Variants in UBE2D2 observed in about 807,000 individuals in gnomAD.
UBE2D2 encodes the protein ubiquitin-conjugating enzyme E2 D2.
A neutral mutation model predicts 24.2 loss-of-function variants in UBE2D2; 2 were observed. That is an observed-to-expected ratio of 0.08 (90% CI 0.03 to 0.26). UBE2D2 has a LOEUF of 0.26. UBE2D2 is among the 10% of genes least tolerant of loss of function. The pLI is 1.00. For missense variants in UBE2D2, 44 were observed against 177.6 expected (o/e 0.25, Z 4.28); for synonymous variants, 58 against 56.5 (o/e 1.03, Z -0.12).
chr5:139,584,602 G>A (rs1235250402), intron 1 of UBE2D2, among the ~76,000 whole-genome samples: 40 of 142,126 alleles, frequency 2.8e-4, no homozygotes, highest in African/African-American at 1.0e-3. Context: ...GCGCGATCTC[G>A]GCTCACTGCA....
chr5:139,626,034 A>G (rs2126712696), intron 6 of UBE2D2, among the ~76,000 whole-genome samples: 1 of 152,064 alleles, frequency 6.6e-6, no homozygotes, highest in Non-Finnish European at 1.5e-5. Flanking sequence ...ACCAGAACCA[A>G]TTGTTTTATT....
upstream of UBE2D2, among the ~76,000 whole-genome samples, chr5:139,558,718 CAA>C (rs1325567109): frequency 3.3e-5 from 5 of 152,058 alleles, no homozygotes; most frequent in Admixed American, 3.3e-4. Flanking sequence ...AACCAAATGT[CAA>C]AAGTGGTTAA....
At position 139,548,189 on chromosome 5, in the gene UBE2D2, A is replaced by AT. The variant is rs1752862035; in HGVS notation, c.-64+21577_-64+21578insT. Among the ~76,000 whole-genome samples the AT allele has an allele frequency of 1.1e-3, 21 of 18,646 alleles. 1 individual carries two copies. Among genetic ancestry groups the AT allele is most frequent in the East Asian group, 5.0e-3 (8 of 1,594 alleles). 12.2% of individuals were successfully genotyped at this position (18,646 alleles called of 152,430 possible). On this transcript the variant is annotated intron_variant, in intron 1 of 6. Coordinates refer to the UBE2D2 transcript ENST00000511725. ...AAAAAAAAAAAAAAAAAAAATAAAA[A>AT]AAAAAAATAAATAAATAAATAAATA...
intron 1 of UBE2D2, among the ~76,000 whole-genome samples, chr5:139,567,150 A>G (rs886587243): frequency 2.0e-5 from 3 of 152,130 alleles, no homozygotes; most frequent in Non-Finnish European, 2.9e-5. Context: ...CCCAGGCTGG[A>G]GTGCAGTGGC....
rs574931702 is a variant in UBE2D2 at position 139,607,859 on chromosome 5, A to G, written c.89-6727A>G. On this transcript the variant is annotated intron_variant, in intron 2 of 6. Coordinates refer to ENST00000398733, the MANE Select transcript of UBE2D2 (RefSeq NM_003339.3). ...CGATCTCTACAAAAATAAAAATTAA[A>G]AAAATGAGCAGGACATGGTGACACT... 2.6e-5 allele frequency among the ~76,000 whole-genome samples: 4 copies of G among 152,128 alleles called. No individual in the cohort carries two copies. In the East Asian group the frequency reaches 7.7e-4, roughly 29 times the overall value.
At chr5:139,612,511 C>G (rs1234926144) in intron 2 of UBE2D2, 1 of 152,242 alleles carries the variant, frequency 6.6e-6, no homozygotes, top group Non-Finnish European at 1.5e-5. Flanking sequence ...TGCTTTCTTA[C>G]TATCTTACCC....
chr5:139,592,996 CTT>C (rs138217969), intron 1 of UBE2D2, among the ~76,000 whole-genome samples: 37 of 124,722 alleles, frequency 3.0e-4, no homozygotes, highest in Admixed American at 5.0e-4. Flanking sequence ...TTCTTTTTTC[CTT>C]TTTTTTTTTT....
chr5:139,563,786 C>A (rs931871875), intron 1 of UBE2D2, among the ~76,000 whole-genome samples: 1 of 151,990 alleles, frequency 6.6e-6, no homozygotes, highest in African/African-American at 2.4e-5. Flanking sequence ...ACAAAAAAAA[C>A]TAGCCGGGCT....
intron 2 of UBE2D2, among the ~76,000 whole-genome samples, chr5:139,606,604 T>G (rs775501551): frequency 6.6e-6 from 1 of 152,230 alleles, no homozygotes; most frequent in Non-Finnish European, 1.5e-5. Context: ...ACCAACATAG[T>G]GCTGGGAACT....
chr5:139,561,852 T>C (rs2126646300), intron 1 of UBE2D2, 37 bp downstream of exon 1: 2 of 1,464,882 alleles, frequency 1.4e-6, no homozygotes, highest in East Asian at 2.7e-5. Flanking sequence ...GCTGGCCAGC[T>C]GAGCAGGCTG....
chr5:139,586,680 G>T (rs1432525699), intron 1 of UBE2D2, among the ~76,000 whole-genome samples: 1 of 152,044 alleles, frequency 6.6e-6, no homozygotes, highest in Non-Finnish European at 1.5e-5. Context: ...CAGGAGAATG[G>T]CATGAACCCG....
chr5:139,526,367 G>T (rs1237571404), upstream of UBE2D2: 2 of 152,216 alleles, frequency 1.3e-5, no homozygotes, highest in African/African-American at 2.4e-5. Flanking sequence ...CCCTGACCGG[G>T]AAGCAAGGTG....
chr5:139,552,769 A>G (rs1225112665), intron 1 of UBE2D2, among the ~76,000 whole-genome samples: 5 of 130,850 alleles, frequency 3.8e-5, no homozygotes, highest in Non-Finnish European at 7.8e-5. Context: ...CGCAACCTCC[A>G]CCTCCCAAGT....
chr5:139,536,169 A>C (rs1280165099), intron 1 of UBE2D2, among the ~76,000 whole-genome samples: 1 of 151,826 alleles, frequency 6.6e-6, no homozygotes, highest in Non-Finnish European at 1.5e-5. Flanking sequence ...GCGTGATCTC[A>C]GCTTACCACA....
rs139344186 is a variant in UBE2D2 at position 139,550,550 on chromosome 5, G to A, written c.-64+23938G>A. Among the ~76,000 whole-genome samples the A allele has an allele frequency of 3.3e-5, 5 of 152,210 alleles. No homozygotes were observed. The East Asian group carries it at 5.8e-4, about 18-fold the overall frequency. ...TGCGCTAGTAGTGGCAACTGGCTCAGGTTCTCTTCCACGCTCACGCTATGG... is the reference window on the plus strand; with the variant it reads ...TGCGCTAGTAGTGGCAACTGGCTCAAGTTCTCTTCCACGCTCACGCTATGG... On this transcript the variant is annotated intron_variant, in intron 1 of 6. Coordinates refer to the UBE2D2 transcript ENST00000511725.
At chr5:139,546,841 C>T (rs1247022084) in intron 1 of UBE2D2, among the ~76,000 whole-genome samples, 236 of 141,706 alleles carry the variant, frequency 1.7e-3, no homozygotes, top group African/African-American at 5.8e-3. Flanking sequence ...TTCCTTCCTT[C>T]CTTCCTTCCT....
At chr5:139,600,896 G>C (rs1430867821) in intron 2 of UBE2D2, among the ~76,000 whole-genome samples, 1 of 152,144 alleles carries the variant, frequency 6.6e-6, no homozygotes, top group Non-Finnish European at 1.5e-5. Flanking sequence ...TCTGCTTCCT[G>C]GGTTCAAGTG....
intron 2 of UBE2D2, among the ~76,000 whole-genome samples, chr5:139,605,618 A>C: frequency 6.6e-6 from 1 of 150,644 alleles, no homozygotes; most frequent in Non-Finnish European, 1.5e-5. Flanking sequence ...AAAAAAAGAA[A>C]AGAAAGAAAC....
At chr5:139,586,954 T>C (rs1753737863) in intron 1 of UBE2D2, among the ~76,000 whole-genome samples, 1 of 152,158 alleles carries the variant, frequency 6.6e-6, no homozygotes, top group Non-Finnish European at 1.5e-5. Flanking sequence ...TTGCCTAGGC[T>C]GAAGTACAGT....
Sources: gnomAD v4.1 joint callset for allele counts (sites outside exome capture counted in the v4.1 genomes callset) on GRCh38, gnomAD v4.1.1 for gene constraint, MANE v1.5 for transcripts, NCBI Gene and HGNC (gene_info 2026-07-23, HGNC 2026-07-21) for gene names.